MATN2: variants seen among roughly 807,000 people sequenced by gnomAD.
The protein encoded by MATN2 is matrilin-2.
In MATN2, 69 loss-of-function variants were observed where a neutral mutation model predicts 103.2. That is an observed-to-expected ratio of 0.67 (90% CI 0.55 to 0.82). MATN2 has a LOEUF of 0.82. Ranked by LOEUF, MATN2 falls within the 40% of genes least tolerant of loss-of-function variation. The probability of loss-of-function intolerance (pLI) is 0.00; values close to 1 mark genes in which losing one functional copy is unlikely to be tolerated. For synonymous variants in MATN2, 429 were observed against 450.2 expected, an observed-to-expected ratio of 0.95 and a Z score of 0.60; for missense variants, 1,023 against 1,211.5, an observed-to-expected ratio of 0.84 and a Z score of 2.31.
chr8:97,923,134 TTTTC>T (rs758536974), intron 2 of MATN2, among the ~76,000 whole-genome samples: 6 of 152,156 alleles, frequency 3.9e-5, no homozygotes, highest in Middle Eastern at 3.2e-3. Context: ...GCCCTTTTTT[TTTTC>T]TTTCTTAAAC....
intron 1 of MATN2, among the ~76,000 whole-genome samples, chr8:97,884,221 G>A (rs2129964749): frequency 6.6e-6 from 1 of 150,670 alleles, no homozygotes; most frequent in South Asian, 2.1e-4. Flanking sequence ...GCTCATTGCA[G>A]CCTTCACCTT....
intron 7 of MATN2, among the ~76,000 whole-genome samples, chr8:97,996,100 G>A (rs752371285): frequency 2.6e-5 from 4 of 152,134 alleles, no homozygotes; most frequent in African/African-American, 4.8e-5. Flanking sequence ...TTCAGTGGGC[G>A]GTGATTAGAT....
intron 2 of MATN2, among the ~76,000 whole-genome samples, chr8:97,904,544 A>G (rs1819096873): frequency 6.6e-6 from 1 of 152,156 alleles, no homozygotes; most frequent in African/African-American, 2.4e-5. Flanking sequence ...CAGGGAGGGG[A>G]GTCTGGATTG....
intron 10 of MATN2, among the ~76,000 whole-genome samples, chr8:98,009,932 T>C (rs1358831692): frequency 1.3e-5 from 2 of 152,188 alleles, no homozygotes; most frequent in Non-Finnish European, 2.9e-5. Context: ...GAGGCCAACA[T>C]GAAATGACTG....
chr8:98,016,671 G>T lies in MATN2; in HGVS notation c.1696+9G>T. ...TGGAAAAACCTGCAGAAGTAAGTTT[G>T]TACTGGAGCTGGCTCCTACTACTAT... On this transcript the variant is annotated intron_variant, in intron 11 of 18. Coordinates refer to ENST00000254898, the MANE Select transcript of MATN2 (RefSeq NM_002380.5). The T allele has an allele frequency of 6.2e-7, 1 of 1,609,220 alleles. No homozygotes were observed. Among genetic ancestry groups the T allele is most frequent in the East Asian group, 2.2e-5 (1 of 44,772 alleles).
Position 97,896,055 on chromosome 8 carries a change from G to A in MATN2, c.142+7813G>A, listed in dbSNP as rs1055111305. Among the ~76,000 whole-genome samples the A allele has an allele frequency of 2.0e-5, 3 of 152,192 alleles. No homozygotes were observed. The South Asian group carries it at 6.2e-4, about 32-fold the overall frequency. On this transcript the variant is annotated intron_variant, in intron 2 of 18. Coordinates refer to ENST00000254898, the MANE Select transcript of MATN2 (RefSeq NM_002380.5). ...AGACCATAGAATGCCCTGCCCATCTGTATTTGGAGGTGCTGCTGCAGCCGG... is the reference window on the plus strand; with the variant it reads ...AGACCATAGAATGCCCTGCCCATCTATATTTGGAGGTGCTGCTGCAGCCGG...
At position 97,941,833 on chromosome 8, in the gene MATN2, C is replaced by G; in HGVS notation, c.769C>G (p.Pro257Ala). ...CTGTGCCCACTTCTGCATCAACATC[C>G]CTGGCTCATACGTCTGCAGGTGCAA... is the stretch of plus-strand genomic sequence containing the variant. ...HNCAHFCINI[P>A]GSYVCRCKQG... The change falls in exon 4 of 19, where the codon CCT (proline) becomes GCT (alanine). Residue 257 changes from proline (P) to alanine (A), a missense_variant. Coordinates refer to ENST00000254898, the MANE Select transcript of MATN2 (RefSeq NM_002380.5). 6.2e-7 allele frequency: 1 copy of G among 1,613,158 alleles called. No homozygotes were observed. The highest frequency in any genetic ancestry group is 8.5e-7 in the Non-Finnish European group (1 of 1,179,480).
At chr8:98,002,064 C>T (rs185907075) in intron 7 of MATN2, among the ~76,000 whole-genome samples, 3 of 152,116 alleles carry the variant, frequency 2.0e-5, no homozygotes, top group Non-Finnish European at 4.4e-5. Flanking sequence ...GACCTTTTCC[C>T]GCAACACCAG....
rs1814244217 is a variant in MATN2 at position 98,036,166 on chromosome 8, G to C, written c.*454G>C. Reference sequence around the variant, plus strand: ...AAATCATAGGACATATGTACTTGTGGAACAAGTTGGATTTTTTATACAATA... The same window carrying C: ...AAATCATAGGACATATGTACTTGTGCAACAAGTTGGATTTTTTATACAATA... On this transcript the variant is annotated 3_prime_UTR_variant, in exon 19 of 19. Coordinates refer to ENST00000254898, the MANE Select transcript of MATN2 (RefSeq NM_002380.5). 1 of 152,644 alleles carries C rather than the reference G, an allele frequency of 6.6e-6. No individual in the cohort carries two copies. The highest frequency in any genetic ancestry group is 1.5e-5 in the Non-Finnish European group (1 of 68,324). The allele number at this position is 152,644 out of a possible 1,614,324, so 9.5% of individuals were successfully genotyped here. A position where few individuals can be genotyped will look rare whatever the true frequency, so the allele number is the denominator to read the frequency against.
chr8:98,015,743 T>C (rs1277230690), intron 10 of MATN2, among the ~76,000 whole-genome samples: 1 of 152,202 alleles, frequency 6.6e-6, no homozygotes, highest in Non-Finnish European at 1.5e-5. Context: ...TTTGTCTGTT[T>C]TCCACGCATC....
intron 4 of MATN2, among the ~76,000 whole-genome samples, chr8:97,957,231 G>A (rs578207699): frequency 6.6e-6 from 1 of 152,310 alleles, no homozygotes; most frequent in Non-Finnish European, 1.5e-5. Context: ...AGGCTGTGCC[G>A]GGGCAGGGGG....
intron 6 of MATN2, among the ~76,000 whole-genome samples, chr8:97,983,974 G>C (rs1396005896): frequency 6.6e-6 from 1 of 152,180 alleles, no homozygotes; most frequent in Non-Finnish European, 1.5e-5. Context: ...ATCAGCAATA[G>C]AAGAACTACA....
At chr8:97,899,098 C>T (rs1014881830) in intron 2 of MATN2, among the ~76,000 whole-genome samples, 13 of 152,004 alleles carry the variant, frequency 8.6e-5, no homozygotes, top group African/African-American at 3.1e-4. Context: ...CTGTTTTATC[C>T]AGTTGAATTG....
intron 6 of MATN2, among the ~76,000 whole-genome samples, chr8:97,989,310 A>C (rs1812310377): frequency 6.6e-6 from 1 of 152,192 alleles, no homozygotes; most frequent in Non-Finnish European, 1.5e-5. Context: ...TCTCCTAAAA[A>C]TAGAAGAAAT....
intron 5 of MATN2, among the ~76,000 whole-genome samples, chr8:97,973,644 C>G (rs1811735075): frequency 6.7e-6 from 1 of 150,210 alleles, no homozygotes; most frequent in South Asian, 2.1e-4. Context: ...ATCTTGGTTC[C>G]CCGCAGCCTC....
intron 2 of MATN2, among the ~76,000 whole-genome samples, chr8:97,926,297 T>A (rs577219441): frequency 1.3e-5 from 2 of 152,338 alleles, no homozygotes; most frequent in Admixed American, 6.5e-5. Context: ...AGACAGGATG[T>A]CCTTCATCAG....
chr8:97,896,836 G>A (rs1818825605), intron 2 of MATN2, among the ~76,000 whole-genome samples: 2 of 151,752 alleles, frequency 1.3e-5, no homozygotes, highest in Non-Finnish European at 2.9e-5. Flanking sequence ...GGGCTGGGCA[G>A]TGGGATCAGG....
chr8:98,024,094 A>G (rs769548725), intron 13 of MATN2, among the ~76,000 whole-genome samples: 7 of 152,218 alleles, frequency 4.6e-5, no homozygotes, highest in Non-Finnish European at 1.0e-4. Flanking sequence ...GTGGGGCTTA[A>G]TACCTAAGTG....
chr8:98,035,560 A>G, intron 18 of MATN2, 97 bp from the exon 19 acceptor site: 1 of 683,960 alleles, frequency 1.5e-6, no homozygotes. Context: ...AAAACCTTTT[A>G]GATTTCAGAA....
Sources: allele counts gnomAD v4.1 joint callset (sites outside exome capture counted in the v4.1 genomes callset), GRCh38; gene constraint gnomAD v4.1.1; transcripts MANE v1.5; gene names NCBI Gene and HGNC (gene_info 2026-07-23, HGNC 2026-07-21).